Variants in KCND2 observed in about 807,000 individuals in gnomAD.
The protein encoded by KCND2 is A-type voltage-gated potassium channel KCND2.
Under a neutral mutation model 54.4 loss-of-function variants are expected in KCND2, and 16 were observed. That is an observed-to-expected ratio of 0.29 (90% CI 0.20 to 0.45). KCND2 has a LOEUF of 0.45. Among genes scored for constraint, KCND2 ranks in the 20% least tolerant of loss-of-function variants. The pLI, the probability that KCND2 is intolerant of heterozygous loss-of-function variation, is 1.00. For synonymous variants in KCND2, 317 were observed against 310.7 expected, an observed-to-expected ratio of 1.02 and a Z score of -0.21; for missense variants, 486 against 824.2, an observed-to-expected ratio of 0.59 and a Z score of 5.02.
At chr7:120,526,872 A>C (rs1791783237) in intron 1 of KCND2, among the ~76,000 whole-genome samples, 1 of 152,158 alleles carries the variant, frequency 6.6e-6, no homozygotes, top group Admixed American at 6.6e-5. Context: ...GAAGGAAAAT[A>C]AGCTGAACTA....
intron 1 of KCND2, among the ~76,000 whole-genome samples, chr7:120,528,408 C>T (rs1791803219): frequency 6.6e-6 from 1 of 151,972 alleles, no homozygotes; most frequent in Non-Finnish European, 1.5e-5. Flanking sequence ...GATTGCTTAG[C>T]AATAGATTCT....
intron 1 of KCND2, among the ~76,000 whole-genome samples, chr7:120,429,567 G>C (rs1348952967): frequency 6.6e-6 from 1 of 152,110 alleles, no homozygotes; most frequent in African/African-American, 2.4e-5. Flanking sequence ...GAACACCTGT[G>C]TTATTGTCTC....
intron 1 of KCND2, among the ~76,000 whole-genome samples, chr7:120,443,639 A>T (rs925885541): frequency 6.6e-6 from 1 of 151,884 alleles, no homozygotes; most frequent in Non-Finnish European, 1.5e-5. Flanking sequence ...CCATTCCTCA[A>T]TTCCAATACT....
At chr7:120,496,426 A>C (rs1346492266) in intron 1 of KCND2, among the ~76,000 whole-genome samples, 1 of 151,340 alleles carries the variant, frequency 6.6e-6, no homozygotes, top group Non-Finnish European at 1.5e-5. Flanking sequence ...AAAATATATA[A>C]TTTTTTAATT....
chr7:120,574,363 T>A (rs563510396), intron 1 of KCND2, among the ~76,000 whole-genome samples: 17 of 152,270 alleles, frequency 1.1e-4, no homozygotes, highest in African/African-American at 4.1e-4. Context: ...ATGTGAAAGA[T>A]GATTTAAAAT....
chr7:120,457,209 G>A (rs2116230515), intron 1 of KCND2, among the ~76,000 whole-genome samples: 1 of 152,258 alleles, frequency 6.6e-6, no homozygotes, highest in South Asian at 2.1e-4. Context: ...AGGGACTGCT[G>A]TGAATATCTC....
Position 120,678,167 on chromosome 7 carries a change from ACT to A in KCND2, c.1116-54733_1116-54732del, listed in dbSNP as rs530851344. Among the ~76,000 whole-genome samples the A allele has an allele frequency of 3.0e-3, 453 of 151,598 alleles. 2 individuals are homozygous for A. The highest frequency in any genetic ancestry group is 0.01 in the African/African-American group (422 of 41,392). On this transcript the variant is annotated intron_variant, in intron 1 of 5. Coordinates refer to ENST00000331113, the MANE Select transcript of KCND2 (RefSeq NM_012281.3). ...ACATCATAATGATTCTTGAACATAA[ACT>A]CTGAGATGGTTAGGGGGTTCTGACC...
At chr7:120,372,619 A>G (rs186776621) in intron 1 of KCND2, among the ~76,000 whole-genome samples, 10 of 152,034 alleles carry the variant, frequency 6.6e-5, no homozygotes, top group Admixed American at 3.9e-4. Context: ...TTTATAAAGA[A>G]CTACCTGTTT....
intron 1 of KCND2, among the ~76,000 whole-genome samples, chr7:120,460,130 A>G (rs746199489): frequency 5.3e-5 from 8 of 152,054 alleles, no homozygotes; most frequent in Non-Finnish European, 1.2e-4. Flanking sequence ...TAGGGTACCA[A>G]CTTCCTCCAT....
intron 1 of KCND2, among the ~76,000 whole-genome samples, chr7:120,684,084 G>A (rs1257934216): frequency 1.3e-5 from 2 of 152,084 alleles, no homozygotes; most frequent in African/African-American, 4.8e-5. Flanking sequence ...AGAAAATGGA[G>A]TACTTCATCA....
chr7:120,338,324 T>C lies in KCND2; in HGVS notation c.1115+62577T>C, dbSNP rs1584736757. Among the ~76,000 whole-genome samples, 3 of 152,290 alleles carry C rather than the reference T, an allele frequency of 2.0e-5. No individual in the cohort carries two copies. In the South Asian group the frequency reaches 6.2e-4, roughly 32 times the overall value. ...ATAATAGAAAGTACAGTGACTTTTC[T>C]AAGTTATATAGCCAATCTTTCCCTG... is the stretch of plus-strand genomic sequence containing the variant. On this transcript the variant is annotated intron_variant, in intron 1 of 5. Transcript: ENST00000331113.
At chr7:120,679,430 A>G (rs978323861) in intron 1 of KCND2, among the ~76,000 whole-genome samples, 3 of 151,982 alleles carry the variant, frequency 2.0e-5, no homozygotes, top group African/African-American at 2.4e-5. Context: ...AAAAAATTCT[A>G]TGTGGCTTTG....
intron 1 of KCND2, among the ~76,000 whole-genome samples, chr7:120,313,483 A>C (rs1020113365): frequency 1.3e-5 from 2 of 152,188 alleles, no homozygotes; most frequent in African/African-American, 4.8e-5. Context: ...ACATTGTGAT[A>C]ATTTTAAACA....
intron 1 of KCND2, among the ~76,000 whole-genome samples, chr7:120,717,611 G>A (rs755351797): frequency 9.2e-5 from 14 of 152,036 alleles, no homozygotes; most frequent in Non-Finnish European, 1.5e-4. Flanking sequence ...ACATGGAGTT[G>A]AAAGCAAACC....
intron 1 of KCND2, among the ~76,000 whole-genome samples, chr7:120,321,159 G>A (rs184751572): frequency 2.0e-5 from 3 of 152,202 alleles, no homozygotes; most frequent in Admixed American, 2.0e-4. Context: ...AAAGAACACA[G>A]CCTCAGCCCT....
At chr7:120,334,524 C>T (rs1800117020) in intron 1 of KCND2, among the ~76,000 whole-genome samples, 1 of 152,144 alleles carries the variant, frequency 6.6e-6, no homozygotes, top group Admixed American at 6.5e-5. Context: ...ATACCTATTT[C>T]AGTCAAGGTC....
chr7:120,597,269 T>C (rs1792758157), intron 1 of KCND2, among the ~76,000 whole-genome samples: 1 of 152,122 alleles, frequency 6.6e-6, no homozygotes, highest in Non-Finnish European at 1.5e-5. Context: ...GGGGTATTGA[T>C]AAAAGATAGG....
chr7:120,369,146 A>G (rs1265808100), intron 1 of KCND2, among the ~76,000 whole-genome samples: 1 of 151,754 alleles, frequency 6.6e-6, no homozygotes, highest in Non-Finnish European at 1.5e-5. Flanking sequence ...TTTTTTTTAA[A>G]TAGAAAGTTT....
chr7:120,380,869 G>T (rs1440068020), intron 1 of KCND2, among the ~76,000 whole-genome samples: 1 of 152,076 alleles, frequency 6.6e-6, no homozygotes, highest in Admixed American at 6.6e-5. Context: ...AATTGTTTTA[G>T]ATGCATTTAC....
Sources: gnomAD v4.1 joint callset for allele counts (sites outside exome capture counted in the v4.1 genomes callset) on GRCh38, gnomAD v4.1.1 for gene constraint, MANE v1.5 for transcripts, NCBI Gene and HGNC (gene_info 2026-07-23, HGNC 2026-07-21) for gene names.